Variants in RALYL observed in about 807,000 individuals in gnomAD.
The protein encoded by RALYL is RALY RNA binding protein like, also known as RNA-binding Raly-like protein.
In RALYL, 29 loss-of-function variants were observed where a neutral mutation model predicts 35.1. The observed-to-expected ratio is 0.83, with a 90% confidence interval of 0.61 to 1.13. RALYL has a LOEUF of 1.13. RALYL is among the 50% of genes most tolerant of loss of function. The pLI, the probability that RALYL is intolerant of heterozygous loss-of-function variation, is 0.00. For missense variants in RALYL, 359 were observed against 360.4 expected, an observed-to-expected ratio of 1.00 and a Z score of 0.03; for synonymous variants, 120 against 127.6, an observed-to-expected ratio of 0.94 and a Z score of 0.40.
At chr8:84,463,018 A>T (rs1466572095) in intron 1 of RALYL, among the ~76,000 whole-genome samples, 1 of 152,006 alleles carries the variant, frequency 6.6e-6, no homozygotes, top group African/African-American at 2.4e-5. Context: ...AGCTAAAAGT[A>T]CTATATCCTG....
chr8:84,672,667 C>T (rs1327349260), intron 2 of RALYL, among the ~76,000 whole-genome samples: 1 of 152,158 alleles, frequency 6.6e-6, no homozygotes, highest in Non-Finnish European at 1.5e-5. Flanking sequence ...AAGGGCACAT[C>T]TTACATGGTG....
At chr8:84,903,566 C>T (rs1044441027) in intron 8 of RALYL, among the ~76,000 whole-genome samples, 1 of 152,084 alleles carries the variant, frequency 6.6e-6, no homozygotes, top group African/African-American at 2.4e-5. Flanking sequence ...CATCTTCTGC[C>T]TGCCCAGGAG....
At chr8:84,802,223 A>G (rs1456691825) in intron 3 of RALYL, among the ~76,000 whole-genome samples, 1 of 152,076 alleles carries the variant, frequency 6.6e-6, no homozygotes, top group Non-Finnish European at 1.5e-5. Context: ...AATTTCATGA[A>G]TTTTCATGTG....
At chr8:84,494,544 G>T (rs933120279) in intron 1 of RALYL, among the ~76,000 whole-genome samples, 1 of 152,070 alleles carries the variant, frequency 6.6e-6, no homozygotes, top group African/African-American at 2.4e-5. Flanking sequence ...AGGATGGAAT[G>T]GTTTTCCATT....
chr8:84,807,158 C>T (rs548375580), intron 4 of RALYL, among the ~76,000 whole-genome samples: 1 of 152,164 alleles, frequency 6.6e-6, no homozygotes, highest in Non-Finnish European at 1.5e-5. Context: ...GCCCTCACCC[C>T]CCTCCCAACC....
intron 3 of RALYL, among the ~76,000 whole-genome samples, chr8:84,796,910 T>C (rs749561081): frequency 6.6e-6 from 1 of 152,202 alleles, no homozygotes; most frequent in Non-Finnish European, 1.5e-5. Flanking sequence ...ATTGTGTTCT[T>C]TATCTTTTCT....
intron 1 of RALYL, among the ~76,000 whole-genome samples, chr8:84,468,249 T>A (rs1269336444): frequency 6.6e-6 from 1 of 152,128 alleles, no homozygotes; most frequent in South Asian, 2.1e-4. Context: ...CGATGGTCTT[T>A]ACATTTTGGC....
chr8:84,235,361 C>G (rs866540206), intron 1 of RALYL, among the ~76,000 whole-genome samples: 2 of 152,174 alleles, frequency 1.3e-5, no homozygotes, highest in African/African-American at 4.8e-5. Context: ...TTATCAGCTT[C>G]CCCTCTTCCA....
chr8:84,557,838 G>T (rs2061234155), intron 2 of RALYL, among the ~76,000 whole-genome samples: 1 of 151,800 alleles, frequency 6.6e-6, no homozygotes, highest in South Asian at 2.1e-4. Flanking sequence ...AAGTCACACT[G>T]CCCAAAAGAA....
At chr8:84,464,992 G>GT (rs1244422346) in intron 1 of RALYL, among the ~76,000 whole-genome samples, 2 of 111,980 alleles carry the variant, frequency 1.8e-5, no homozygotes, top group African/African-American at 6.7e-5. Context: ...GGGGTTGTTT[G>GT]TTTTTTTCTT....
At chr8:84,248,424 T>C (rs1029156182) in intron 1 of RALYL, among the ~76,000 whole-genome samples, 1 of 152,130 alleles carries the variant, frequency 6.6e-6, no homozygotes, top group African/African-American at 2.4e-5. Flanking sequence ...GTGTCCCTCT[T>C]AGTACACCTA....
intron 2 of RALYL, among the ~76,000 whole-genome samples, chr8:84,582,923 A>C (rs1166805124): frequency 6.6e-6 from 1 of 151,994 alleles, no homozygotes; most frequent in East Asian, 1.9e-4. Context: ...TAAAAGTTAG[A>C]TATAGTTTGG....
intron 2 of RALYL, among the ~76,000 whole-genome samples, chr8:84,633,634 C>A (rs574383121): frequency 6.6e-6 from 1 of 151,760 alleles, no homozygotes; most frequent in African/African-American, 2.4e-5. Context: ...GTAAAAGAGG[C>A]TATGAGTCAA....
intron 2 of RALYL, among the ~76,000 whole-genome samples, chr8:84,549,190 A>C (rs1019175029): frequency 6.6e-6 from 1 of 152,222 alleles, no homozygotes; most frequent in African/African-American, 2.4e-5. Flanking sequence ...TTGAGGGTTC[A>C]TGGCATATTT....
At chr8:84,823,307 G>A (rs909229065) in intron 4 of RALYL, among the ~76,000 whole-genome samples, 2 of 152,134 alleles carry the variant, frequency 1.3e-5, no homozygotes, top group African/African-American at 4.8e-5. Flanking sequence ...ATAATTTGGT[G>A]TCTATAATAT....
At chr8:84,525,953 C>CTTTTTTTTTTTTTTTTTTTTTTTTTTTT (rs35794329) in intron 1 of RALYL, among the ~76,000 whole-genome samples, 5 of 104,868 alleles carry the variant, frequency 4.8e-5, no homozygotes, top group African/African-American at 1.9e-4. Context: ...TTTCTTTTTT[C>CTTTTTTTTTTTTTTTTTTTTTTTTTTTT]TTTTTTTTTT....
intron 1 of RALYL, among the ~76,000 whole-genome samples, chr8:84,449,258 A>T (rs1480663548): frequency 6.6e-6 from 1 of 151,826 alleles, no homozygotes; most frequent in Non-Finnish European, 1.5e-5. Flanking sequence ...GGACTGCAGG[A>T]GGTGAGGTCC....
chr8:84,240,978 T>G (rs1827720760), intron 1 of RALYL, among the ~76,000 whole-genome samples: 1 of 152,134 alleles, frequency 6.6e-6, no homozygotes, highest in Admixed American at 6.5e-5. Context: ...TTCTATTAAA[T>G]ATTAATTTTA....
chr8:84,761,387 T>C (rs1263304911), intron 2 of RALYL, among the ~76,000 whole-genome samples: 2 of 152,098 alleles, frequency 1.3e-5, no homozygotes, highest in Admixed American at 6.6e-5. Context: ...AGTTCATTTA[T>C]ATTTAATATT....
Sources: gnomAD v4.1 joint callset for allele counts (sites outside exome capture counted in the v4.1 genomes callset) on GRCh38, gnomAD v4.1.1 for gene constraint, MANE v1.5 for transcripts, NCBI Gene and HGNC (gene_info 2026-07-23, HGNC 2026-07-21) for gene names.